The following STBD1 variants were observed in gnomAD, a reference collection of about 807,000 sequenced individuals.
STBD1 encodes the protein starch-binding domain-containing protein 1.
STBD1 carries 13 observed loss-of-function variants against 10.5 expected under a neutral mutation model. The ratio of observed to expected loss-of-function variants is 1.24; its 90% CI spans 0.81 to 1.97. The LOEUF (loss-of-function observed/expected upper bound fraction) is 1.97. Among genes scored for constraint, STBD1 ranks in the 30% most tolerant of loss-of-function variants. STBD1 has a pLI of 0.00. For synonymous variants in STBD1, 146 were observed against 160.2 expected (o/e 0.91, Z 0.67); for missense variants, 427 against 435.6 (o/e 0.98, Z 0.17).
intron 1 of STBD1, 116 bp downstream of exon 1, chr4:76,307,105 G>C (rs1172447598): frequency 2.7e-6 from 3 of 1,105,968 alleles, no homozygotes; most frequent in Non-Finnish European, 4.0e-6. Flanking sequence ...TCCTGCGGAC[G>C]GGCTCTCCTA....
chr4:76,309,524 G>A lies in STBD1; in HGVS notation c.601G>A (p.Glu201Lys), dbSNP rs755240383. 7.4e-6 allele frequency: 12 copies of A among 1,614,132 alleles called. No individual in the cohort carries two copies. The highest frequency in any genetic ancestry group is 3.3e-5 in the South Asian group (3 of 91,088). ...DLNSQDRVDH[E>K]EWEMVPRHSS... is the part of the protein sequence containing the mutation. ...GAACAGTCAGGACCGGGTTGACCAC[G>A]AGGAGTGGGAAATGGTGCCTAGGCA... The change falls in exon 2 of 2, where the codon GAG (glutamate) becomes AAG (lysine). Residue 201 changes from glutamate to lysine, a missense_variant. Transcript: ENST00000237642.
At chr4:76,308,665 G>A (rs192153312) in intron 1 of STBD1, among the ~76,000 whole-genome samples, 2 of 152,266 alleles carry the variant, frequency 1.3e-5, no homozygotes, top group Non-Finnish European at 2.9e-5. Context: ...TGATCTGCCC[G>A]CAGGTCTGCG....
chr4:76,306,804 G>A lies in STBD1; in HGVS notation c.35G>A (p.Gly12Glu), dbSNP rs1578826575. 1.2e-6 allele frequency: 2 copies of A among 1,613,056 alleles called. No homozygotes were observed. The highest frequency in any genetic ancestry group is 3.3e-4 in the Middle Eastern group (2 of 6,050). The part of the protein sequence containing the change: ...GAVWSALLVG[G>E]GLAGALFVWL... Reference sequence around the variant, plus strand: ...GTCTGGTCCGCCCTGCTGGTTGGAGGGGGTCTGGCCGGAGCACTTTTCGTT... The same window carrying A: ...GTCTGGTCCGCCCTGCTGGTTGGAGAGGGTCTGGCCGGAGCACTTTTCGTT... Residue 12 changes from glycine to glutamate, a missense_variant, in exon 1 of 2, where the codon GGG becomes GAG. Gly to Glu is a moderately conservative substitution (Grantham distance 98). Transcript: ENST00000237642.
chr4:76,307,208 T>A (rs1160329279), intron 1 of STBD1, among the ~76,000 whole-genome samples: 1 of 152,152 alleles, frequency 6.6e-6, no homozygotes, highest in Non-Finnish European at 1.5e-5. Context: ...GGCCGCGCCC[T>A]TGCCGAGTCC....
chr4:76,309,163 T>C lies in STBD1; in HGVS notation c.240T>C (p.Asn80=), dbSNP rs1201646633. 6.3e-7 allele frequency: 1 copy of C among 1,588,802 alleles called. No individual in the cohort carries two copies. Among genetic ancestry groups the C allele is most frequent in the East Asian group, 2.2e-5 (1 of 44,648 alleles). Residue 80 remains asparagine, a synonymous_variant, in exon 2 of 2, where the codon AAT becomes AAC. Transcript: ENST00000237642. ...VTKPEHLQES[N]GHLISKTKDL... Reference sequence around the variant, plus strand: ...TCTTAGAGCATCTTCAAGAAAGCAATGGACATTTGATTTCTAAGACCAAAG... The same window carrying C: ...TCTTAGAGCATCTTCAAGAAAGCAACGGACATTTGATTTCTAAGACCAAAG...
intron 1 of STBD1, among the ~76,000 whole-genome samples, chr4:76,308,329 A>C (rs1409226764): frequency 6.6e-6 from 1 of 150,606 alleles, no homozygotes; most frequent in African/African-American, 2.4e-5. Flanking sequence ...CCATACCACC[A>C]CCACCCCCAC....
Position 76,309,986 on chromosome 4 carries a change from T to C in STBD1, c.1063T>C (p.Trp355Arg), listed in dbSNP as rs199743271. 176 of 1,610,686 alleles carry C rather than the reference T, an allele frequency of 1.1e-4. No homozygotes were observed. Among genetic ancestry groups the C allele is most frequent in the Admixed American group, 4.0e-4 (24 of 59,968 alleles). The change falls in exon 2 of 2, where the codon TGG (tryptophan) becomes CGG (arginine). Residue 355 changes from tryptophan to arginine, a missense_variant. Transcript: ENST00000237642. ...TGAGGATAAAGTGGTTCACGCATGG[T>C]GGGGGATTCACTGATTCAGTTTGCA... ...GHEDKVVHAW[W>R]GIH is the part of the protein sequence containing the mutation.
intron 1 of STBD1, 54 bp downstream of exon 1, chr4:76,307,043 C>A: frequency 6.6e-7 from 1 of 1,523,912 alleles, no homozygotes; most frequent in Non-Finnish European, 8.9e-7. Context: ...TGAGGTTCAT[C>A]GAGGAAGGGA....
chr4:76,308,026 C>T (rs1718828521), intron 1 of STBD1, among the ~76,000 whole-genome samples: 2 of 152,066 alleles, frequency 1.3e-5, no homozygotes. Context: ...CTTCCAACTC[C>T]CACCATCACC....
Position 76,307,243 on chromosome 4 carries a change from G to A in STBD1, c.220+254G>A, listed in dbSNP as rs112061706. 3.1e-3 allele frequency among the ~76,000 whole-genome samples: 470 copies of A among 152,310 alleles called. 5 individuals carry two copies. The highest frequency in any genetic ancestry group is 0.011 in the African/African-American group (456 of 41,590). On this transcript the variant is annotated intron_variant, in intron 1 of 1. Transcript: ENST00000237642. ...CCTCAGCGCCCGCGCCTGAGGACTT[G>A]GTCCTGCCCCTCCGGCGGGGATGAG...
intron 1 of STBD1, among the ~76,000 whole-genome samples, chr4:76,308,030 C>A (rs1251912958): frequency 2.0e-5 from 3 of 152,056 alleles, no homozygotes; most frequent in Non-Finnish European, 4.4e-5. Context: ...CAACTCCCAC[C>A]ATCACCGAGG....
chr4:76,310,637 G>A lies in STBD1; in HGVS notation c.*637G>A, dbSNP rs1560766625. ...ATTTTCATCTGCCAGGCGTTGTTATGTGCTATGAGGGTAGCAAGTACGTCT... is the reference window on the plus strand; with the variant it reads ...ATTTTCATCTGCCAGGCGTTGTTATATGCTATGAGGGTAGCAAGTACGTCT... On this transcript the variant is annotated 3_prime_UTR_variant, in exon 2 of 2. Coordinates refer to ENST00000237642, the MANE Select transcript of STBD1 (RefSeq NM_003943.5). The A allele has an allele frequency of 6.5e-6, 1 of 152,976 alleles. No homozygotes were observed. Among genetic ancestry groups the A allele is most frequent in the Non-Finnish European group, 1.5e-5 (1 of 68,338 alleles). 9.5% of individuals were successfully genotyped at this position (152,976 alleles called of 1,614,324 possible).
rs930230520 is a variant in STBD1, at chr4:76,310,186, G to A, written c.*186G>A. ...CTAATGTGCAGAAATATATATGTGTGTATGTGTGTATATATATGCACACAC... is the reference window on the plus strand; with the variant it reads ...CTAATGTGCAGAAATATATATGTGTATATGTGTGTATATATATGCACACAC... On this transcript the variant is annotated 3_prime_UTR_variant, in exon 2 of 2. Transcript: ENST00000237642. The A allele has an allele frequency of 1.3e-5, 9 of 669,672 alleles. No homozygotes were observed. Among genetic ancestry groups the A allele is most frequent in the Non-Finnish European group, 2.0e-5 (8 of 400,904 alleles). 41.5% of individuals were successfully genotyped at this position (669,672 alleles called of 1,614,324 possible).
rs563036076 is a variant in STBD1 at position 76,309,103 on chromosome 4, G to T, written c.221-41G>T. ...TCTCAGCCTGACTTTTTTCTTAAAT[G>T]AACTACCTGACTCTATTACATTTTT... is the stretch of plus-strand genomic sequence containing the variant. On this transcript the variant is annotated intron_variant, in intron 1 of 1. Transcript: ENST00000237642. The T allele has an allele frequency of 2.0e-5, 30 of 1,517,772 alleles. No individual in the cohort carries two copies. In the African/African-American group the frequency reaches 3.9e-4, roughly 20 times the overall value. The allele number at this position is 1,517,772 out of a possible 1,614,324, so 94.0% of individuals were successfully genotyped here.
chr4:76,308,626 C>T (rs1345373525), intron 1 of STBD1, among the ~76,000 whole-genome samples: 1 of 152,240 alleles, frequency 6.6e-6, no homozygotes, highest in East Asian at 1.9e-4. Flanking sequence ...CTACTGTTCT[C>T]CGTATCTCCC....
intron 1 of STBD1, among the ~76,000 whole-genome samples, chr4:76,307,787 C>T (rs1718821484): frequency 6.6e-6 from 1 of 152,194 alleles, no homozygotes; most frequent in South Asian, 2.1e-4. Flanking sequence ...AGTGCCCTCC[C>T]TTGGCAAGCT....
Position 76,310,264 on chromosome 4 carries a change from T to C in STBD1, c.*264T>C, listed in dbSNP as rs1176489320. 1.1e-5 allele frequency: 5 copies of C among 448,270 alleles called. No individual in the cohort carries two copies. The highest frequency in any genetic ancestry group is 2.0e-5 in the Non-Finnish European group (5 of 248,766). 27.8% of individuals were successfully genotyped at this position (448,270 alleles called of 1,614,324 possible). A position where few individuals can be genotyped will look rare whatever the true frequency, so the allele number is the denominator to read the frequency against. On this transcript the variant is annotated 3_prime_UTR_variant, in exon 2 of 2. Coordinates refer to ENST00000237642, the MANE Select transcript of STBD1 (RefSeq NM_003943.5). Reference sequence around the variant, plus strand: ...AACTTCTTTTCCCTGTGGCACTGATTGACAGACTTGTGCTGATCCATTATT... The same window carrying C: ...AACTTCTTTTCCCTGTGGCACTGATCGACAGACTTGTGCTGATCCATTATT...
intron 1 of STBD1, 149 bp downstream of exon 1, chr4:76,307,138 C>A (rs1321225709): frequency 8.2e-6 from 7 of 852,648 alleles, no homozygotes; most frequent in Non-Finnish European, 1.3e-5. Flanking sequence ...CATCCCCACG[C>A]CCCTCGGTTT....
chr4:76,308,246 CTGGG>C (rs1425450971), intron 1 of STBD1, among the ~76,000 whole-genome samples: 1 of 134,044 alleles, frequency 7.5e-6, no homozygotes. Flanking sequence ...TCACTCCAGC[CTGGG>C]TGACAGAGCG....
Sources: allele counts gnomAD v4.1 joint callset (sites outside exome capture counted in the v4.1 genomes callset), GRCh38; gene constraint gnomAD v4.1.1; transcripts MANE v1.5; gene names NCBI Gene and HGNC (gene_info 2026-07-23, HGNC 2026-07-21).